PHLPP1: variants seen among roughly 807,000 people sequenced by gnomAD.
The protein encoded by PHLPP1 is PH domain leucine-rich repeat-containing protein phosphatase 1.
PHLPP1 carries 42 observed loss-of-function variants against 117.2 expected under a neutral mutation model. The observed-to-expected ratio is 0.36, with a 90% CI of 0.28 to 0.46. The LOEUF (loss-of-function observed/expected upper bound fraction) is 0.46. PHLPP1 is among the 20% of genes least tolerant of loss of function. PHLPP1 has a pLI of 1.00. For synonymous variants in PHLPP1, 1,042 were observed against 970.7 expected, an observed-to-expected ratio of 1.07 and a Z score of -1.37; for missense variants, 2,084 against 2,241.9, an observed-to-expected ratio of 0.93 and a Z score of 1.42.
intron 1 of PHLPP1, among the ~76,000 whole-genome samples, chr18:62,766,079 A>ATATATATATATATATATAT: frequency 2.6e-5 from 1 of 38,360 alleles, no homozygotes; most frequent in South Asian, 9.6e-4. Context: ...AAAAAAAAAT[A>ATATATATATATATATATAT]TATATATATA....
intron 10 of PHLPP1, among the ~76,000 whole-genome samples, chr18:62,922,637 G>A (rs138136037): frequency 1.0e-3 from 157 of 152,272 alleles, no homozygotes; most frequent in African/African-American, 3.6e-3. Flanking sequence ...ATGGATTTAG[G>A]TTTTAGGAGC....
chr18:62,849,399 G>T (rs1915263808), intron 3 of PHLPP1, among the ~76,000 whole-genome samples: 1 of 152,064 alleles, frequency 6.6e-6, no homozygotes, highest in African/African-American at 2.4e-5. Flanking sequence ...GGTGGCTCAT[G>T]CCTGTAATCC....
chr18:62,782,490 C>T (rs927190523), intron 1 of PHLPP1, among the ~76,000 whole-genome samples: 13 of 152,178 alleles, frequency 8.5e-5, no homozygotes, highest in African/African-American at 3.1e-4. Context: ...GGGGCTCTCT[C>T]TGCCATATAT....
At chr18:62,954,923 T>C (rs906596662) in intron 12 of PHLPP1, among the ~76,000 whole-genome samples, 6 of 152,048 alleles carry the variant, frequency 3.9e-5, no homozygotes, top group Non-Finnish European at 8.8e-5. Flanking sequence ...AATGAAACCA[T>C]TTGTTGAACA....
At chr18:62,952,924 A>G (rs1568172756) in intron 12 of PHLPP1, among the ~76,000 whole-genome samples, 1 of 152,182 alleles carries the variant, frequency 6.6e-6, no homozygotes, top group Admixed American at 6.5e-5. Flanking sequence ...ACACAGCCAT[A>G]AATACAATTT....
chr18:62,774,408 T>C (rs1912888409), intron 1 of PHLPP1, among the ~76,000 whole-genome samples: 1 of 152,208 alleles, frequency 6.6e-6, no homozygotes, highest in East Asian at 1.9e-4. Flanking sequence ...GGAAGGTCAC[T>C]TGACCTCTCT....
intron 3 of PHLPP1, among the ~76,000 whole-genome samples, chr18:62,843,633 A>G (rs963462393): frequency 2.6e-5 from 4 of 152,084 alleles, no homozygotes; most frequent in African/African-American, 7.2e-5. Flanking sequence ...TTTTGGGAGG[A>G]TTACTATATT....
chr18:62,962,248 T>C (rs1157659441), intron 13 of PHLPP1, among the ~76,000 whole-genome samples: 2 of 152,236 alleles, frequency 1.3e-5, no homozygotes, highest in East Asian at 3.8e-4. Context: ...GAATGCTTTC[T>C]AGAGGCTGAT....
At chr18:62,824,859 A>G (rs1056799721) in intron 1 of PHLPP1, among the ~76,000 whole-genome samples, 1 of 152,268 alleles carries the variant, frequency 6.6e-6, no homozygotes, top group African/African-American at 2.4e-5. Context: ...CAGTTTTCTT[A>G]AAGTTTTACT....
chr18:62,956,313 T>G (rs1452630046), intron 12 of PHLPP1, among the ~76,000 whole-genome samples: 6 of 152,194 alleles, frequency 3.9e-5, no homozygotes, highest in Admixed American at 6.5e-5. Flanking sequence ...TGTATGCTTG[T>G]CAGGTGCAAA....
At chr18:62,921,760 A>C (rs1291768075) in intron 10 of PHLPP1, among the ~76,000 whole-genome samples, 1 of 152,200 alleles carries the variant, frequency 6.6e-6, no homozygotes, top group East Asian at 1.9e-4. Context: ...AAATCTTACT[A>C]CAAAAATATG....
intron 1 of PHLPP1, among the ~76,000 whole-genome samples, chr18:62,797,240 A>G (rs1295932221): frequency 6.6e-6 from 1 of 152,210 alleles, no homozygotes; most frequent in Admixed American, 6.5e-5. Context: ...ATTTTTTACC[A>G]TAATATATCG....
chr18:62,808,978 C>G (rs913779773), intron 1 of PHLPP1, among the ~76,000 whole-genome samples: 1 of 152,118 alleles, frequency 6.6e-6, no homozygotes, highest in African/African-American at 2.4e-5. Flanking sequence ...GGGCTGGAAT[C>G]TGTGTTGTTG....
chr18:62,770,481 C>G (rs1459540691), intron 1 of PHLPP1, among the ~76,000 whole-genome samples: 1 of 152,136 alleles, frequency 6.6e-6, no homozygotes, highest in Non-Finnish European at 1.5e-5. Context: ...GCCATTTTAG[C>G]AAAATGGTAT....
At position 62,930,316 on chromosome 18, in the gene PHLPP1, T is replaced by C. The variant is rs74582004; in HGVS notation, c.2960+10202T>C. Among the ~76,000 whole-genome samples, 850 of 152,284 alleles carry C rather than the reference T, an allele frequency of 5.6e-3. 13 individuals carry two copies. Among genetic ancestry groups the C allele is most frequent in the African/African-American group, 0.019 (808 of 41,570 alleles). On this transcript the variant is annotated intron_variant, in intron 10 of 16. Coordinates refer to ENST00000262719, the MANE Select transcript of PHLPP1 (RefSeq NM_194449.4). ...TCAGTACATGTGCTTGAACCCAACC[T>C]TCTATTGCCTTCAAGAGACCCATCT... is the stretch of plus-strand genomic sequence containing the variant.
chr18:62,922,098 G>GT (rs1909485242), intron 10 of PHLPP1, among the ~76,000 whole-genome samples: 1 of 151,870 alleles, frequency 6.6e-6, no homozygotes, highest in Non-Finnish European at 1.5e-5. Flanking sequence ...AAGAATTCTT[G>GT]TTTTTTGGTT....
chr18:62,763,122 A>AT (rs1912312769), intron 1 of PHLPP1, among the ~76,000 whole-genome samples: 1 of 152,092 alleles, frequency 6.6e-6, no homozygotes. Context: ...TCAGTTACTA[A>AT]TTTTTTTGTT....
At chr18:62,764,194 C>CA (rs1172287764) in intron 1 of PHLPP1, among the ~76,000 whole-genome samples, 1 of 150,240 alleles carries the variant, frequency 6.7e-6, no homozygotes, top group East Asian at 1.9e-4. Context: ...CAACAACAAC[C>CA]AAAAAAACAC....
chr18:62,933,981 C>G (rs149153136), intron 10 of PHLPP1, among the ~76,000 whole-genome samples: 18 of 152,266 alleles, frequency 1.2e-4, no homozygotes, highest in Middle Eastern at 3.4e-3. Flanking sequence ...AAAAAATGCT[C>G]AACATCACAA....
Sources: allele counts gnomAD v4.1 joint callset (sites outside exome capture counted in the v4.1 genomes callset), GRCh38; gene constraint gnomAD v4.1.1; transcripts MANE v1.5; gene names NCBI Gene and HGNC (gene_info 2026-07-23, HGNC 2026-07-21).